Variants in ZYG11A observed in about 807,000 individuals in gnomAD.
The protein encoded by ZYG11A is zyg-11 family member A, cell cycle regulator.
ZYG11A carries 62 observed loss-of-function variants against 77.2 expected under a neutral mutation model. The observed-to-expected ratio is 0.80, with a 90% CI of 0.65 to 0.99. The LOEUF is 0.99. ZYG11A is among the 50% of genes least tolerant of loss of function. The pLI, the probability that ZYG11A is intolerant of heterozygous loss-of-function variation, is 0.00. For missense variants in ZYG11A, 828 were observed against 896.8 expected (o/e 0.92, Z 0.98); for synonymous variants, 315 against 324.6 (o/e 0.97, Z 0.32).
intron 13 of ZYG11A, among the ~76,000 whole-genome samples, chr1:52,891,370 G>C (rs1273399623): frequency 6.6e-6 from 1 of 151,730 alleles, no homozygotes; most frequent in Non-Finnish European, 1.5e-5. Flanking sequence ...TTGAGTGGGG[G>C]CAGTTTTGGA....
rs386366962 is a variant in ZYG11A at position 52,886,699 on chromosome 1, ATTTTTTTTT to A, written c.2007-237_2007-229del. On this transcript the variant is annotated intron_variant, in intron 12 of 13. Coordinates refer to ENST00000371528, the MANE Select transcript of ZYG11A (RefSeq NM_001004339.3). ...AGGCGTGTGCCACCAGGCCCAGCTAATTTTTTTTTTTTTTTTTTTTTTTTTTTTGTAGAG... is the reference window on the plus strand; with the variant it reads ...AGGCGTGTGCCACCAGGCCCAGCTAATTTTTTTTTTTTTTTTTTTGTAGAG... Among the ~76,000 whole-genome samples the A allele has an allele frequency of 4.3e-3, 297 of 69,138 alleles. 1 individual carries two copies. Among genetic ancestry groups the A allele is most frequent in the African/African-American group, 0.012 (188 of 15,544 alleles). The allele number at this position is 69,138 out of a possible 152,430, so 45.4% of individuals were successfully genotyped here.
At chr1:52,876,574 C>T (rs60115096) in intron 8 of ZYG11A, among the ~76,000 whole-genome samples, 2,829 of 152,220 alleles carry the variant, frequency 0.019, 61 homozygotes, top group African/African-American at 0.063. Flanking sequence ...TAAGCTAAAT[C>T]GTATGACCAA....
Position 52,886,888 on chromosome 1 carries a change from A to G in ZYG11A, c.2007-68A>G, listed in dbSNP as rs147452111. On this transcript the variant is annotated intron_variant, in intron 12 of 13. Coordinates refer to ENST00000371528, the MANE Select transcript of ZYG11A (RefSeq NM_001004339.3). ...TTATTATATTAATTATATAGTACAA[A>G]TTATTATATCCCTGAGCACTGGCCT... 593 of 682,014 alleles carry G rather than the reference A, an allele frequency of 8.7e-4. 3 individuals carry two copies. The African/African-American group carries it at 9.9e-3, about 11-fold the overall frequency. The allele number at this position is 682,014 out of a possible 1,614,324, so 42.2% of individuals were successfully genotyped here.
intron 1 of ZYG11A, among the ~76,000 whole-genome samples, chr1:52,847,123 T>C (rs1240525131): frequency 6.6e-6 from 1 of 151,484 alleles, no homozygotes; most frequent in Non-Finnish European, 1.5e-5. Flanking sequence ...TGCGGTGGCG[T>C]GATCTCGATC....
chr1:52,857,826 A>G, intron 3 of ZYG11A, 77 bp downstream of exon 3: 1 of 1,284,722 alleles, frequency 7.8e-7, no homozygotes, highest in Non-Finnish European at 1.0e-6. Flanking sequence ...CAGACTTTTT[A>G]CTAGGTATTA....
chr1:52,854,800 G>T (rs1332036886), intron 2 of ZYG11A, among the ~76,000 whole-genome samples, 170 bp downstream of exon 2: 1 of 152,102 alleles, frequency 6.6e-6, no homozygotes, highest in Non-Finnish European at 1.5e-5. Flanking sequence ...TTCTAGGCTA[G>T]CCCTGCTATT....
At chr1:52,867,423 T>G (rs923102363) in intron 6 of ZYG11A, 116 bp from the exon 7 acceptor site, 3 of 712,246 alleles carry the variant, frequency 4.2e-6, no homozygotes, top group Non-Finnish European at 7.0e-6. Context: ...GCTGAGGATT[T>G]AAAAGTCCAA....
Position 52,877,751 on chromosome 1 carries a change from A to G in ZYG11A, c.1612A>G (p.Lys538Glu), listed in dbSNP as rs1646286912. 1.9e-6 allele frequency: 3 copies of G among 1,552,088 alleles called. No individual in the cohort carries two copies. The East Asian group carries it at 7.3e-5, about 38-fold the overall frequency. Reference sequence around the variant, plus strand: ...TGATGTCACCTTCTTGTTTACTTTGAAAGCACTTTGGAATCTTACAGATGG... The same window carrying G: ...TGATGTCACCTTCTTGTTTACTTTGGAAGCACTTTGGAATCTTACAGATGG... Reference protein sequence around the residue: ...LDDVTFLFTLKALWNLTDGSP... With the variant: ...LDDVTFLFTLEALWNLTDGSP... The change falls in exon 9 of 14, where the codon AAA (lysine) becomes GAA (glutamate). Residue 538 changes from lysine (K) to glutamate (E), a missense_variant. Physicochemically the swap from Lys to Glu is moderately conservative, Grantham distance 56 (BLOSUM62 1). Coordinates refer to ENST00000371528, the MANE Select transcript of ZYG11A (RefSeq NM_001004339.3).
intron 1 of ZYG11A, among the ~76,000 whole-genome samples, chr1:52,843,542 C>T (rs1571820828): frequency 6.6e-6 from 1 of 152,092 alleles, no homozygotes; most frequent in South Asian, 2.1e-4. Context: ...GAGATTCTTT[C>T]AGTTCCGCGC....
In ZYG11A at chr1:52,857,023, C is replaced by T. The variant is rs2149994578; in HGVS notation, c.282C>T (p.Ser94=). The T allele has an allele frequency of 1.3e-6, 2 of 1,543,672 alleles. No homozygotes were observed. The highest frequency in any genetic ancestry group is 1.4e-5 in the African/African-American group (1 of 72,944). The change falls in exon 3 of 14, where the codon AGC becomes AGT. Residue 94 remains serine (S), a synonymous_variant. Transcript: ENST00000371528. The part of the protein sequence containing the change: ...WQGKLTDRTA[S]IFRGNQMKLK... ...GCAAGCTGACTGACAGAACAGCCAGCATTTTCCGAGGCAACCAAATGAAAC... is the reference window on the plus strand; with the variant it reads ...GCAAGCTGACTGACAGAACAGCCAGTATTTTCCGAGGCAACCAAATGAAAC...
At chr1:52,853,473 C>T (rs1345567374) in intron 1 of ZYG11A, among the ~76,000 whole-genome samples, 1 of 152,082 alleles carries the variant, frequency 6.6e-6, no homozygotes, top group African/African-American at 2.4e-5. Context: ...CTTGGAGTGT[C>T]CCAAATGTTG....
At chr1:52,885,215 T>C (rs1646428119) in intron 11 of ZYG11A, among the ~76,000 whole-genome samples, 1 of 151,756 alleles carries the variant, frequency 6.6e-6, no homozygotes, top group Non-Finnish European at 1.5e-5. Flanking sequence ...GGCCCACTCC[T>C]CCTATTTACA....
chr1:52,857,137 T>C lies in ZYG11A; in HGVS notation c.396T>C (p.Ala132=). 2 of 1,551,944 alleles carry C rather than the reference T, an allele frequency of 1.3e-6. No homozygotes were observed. Among genetic ancestry groups the C allele is most frequent in the South Asian group, 2.4e-5 (2 of 84,066 alleles). The change falls in exon 3 of 14, where the codon GCT becomes GCC. Residue 132 remains alanine (A), a synonymous_variant. Coordinates refer to ENST00000371528, the MANE Select transcript of ZYG11A (RefSeq NM_001004339.3). ...FCRHKLIELN[A]TAVHADLPVP... Reference sequence around the variant, plus strand: ...GTCATAAGCTCATTGAACTGAATGCTACTGCAGTGCACGCTGACCTCCCAG... The same window carrying C: ...GTCATAAGCTCATTGAACTGAATGCCACTGCAGTGCACGCTGACCTCCCAG...
intron 13 of ZYG11A, among the ~76,000 whole-genome samples, chr1:52,887,672 A>G (rs142971790): frequency 0.017 from 2,645 of 152,010 alleles, 75 homozygotes; most frequent in African/African-American, 0.061. Context: ...GCTTGAGGCC[A>G]GGAGTTTGAG....
At chr1:52,869,498 C>T (rs1262712263) in intron 8 of ZYG11A, among the ~76,000 whole-genome samples, 5 of 151,640 alleles carry the variant, frequency 3.3e-5, no homozygotes, top group South Asian at 2.1e-4. Context: ...CATCTTGCAC[C>T]GCCCTTAATC....
Position 52,851,165 on chromosome 1 carries a change from TC to T in ZYG11A, c.91-3296del, listed in dbSNP as rs1571834559. On this transcript the variant is annotated intron_variant, in intron 1 of 13. Coordinates refer to ENST00000371528, the MANE Select transcript of ZYG11A (RefSeq NM_001004339.3). Reference sequence around the variant, plus strand: ...GCTCAAGCAATTCTCCTGCCTCAGCTCCCCAGGTAGCTGGGACTCAGGCACA... The same window carrying T: ...GCTCAAGCAATTCTCCTGCCTCAGCTCCCAGGTAGCTGGGACTCAGGCACA... 4.0e-5 allele frequency among the ~76,000 whole-genome samples: 6 copies of T among 151,282 alleles called. No homozygotes were observed. The East Asian group carries it at 1.2e-3, about 30-fold the overall frequency.
At chr1:52,855,897 TAAA>T (rs1645801158) in intron 2 of ZYG11A, among the ~76,000 whole-genome samples, 1 of 152,228 alleles carries the variant, frequency 6.6e-6, no homozygotes, top group Non-Finnish European at 1.5e-5. Context: ...TTTTTAAACT[TAAA>T]AAATTTATTC....
At chr1:52,853,152 T>C (rs970003871) in intron 1 of ZYG11A, among the ~76,000 whole-genome samples, 1 of 152,250 alleles carries the variant, frequency 6.6e-6, no homozygotes, top group African/African-American at 2.4e-5. Flanking sequence ...CTTGTGATCG[T>C]GTGGCTGACT....
At chr1:52,864,272 G>T (rs1233648871) in intron 5 of ZYG11A, 115 bp downstream of exon 5, 2 of 1,057,730 alleles carry the variant, frequency 1.9e-6, no homozygotes, top group Non-Finnish European at 2.7e-6. Context: ...TAAAGACAGA[G>T]TCTCTCTCTG....
Sources: gnomAD v4.1 joint callset for allele counts (sites outside exome capture counted in the v4.1 genomes callset) on GRCh38, gnomAD v4.1.1 for gene constraint, MANE v1.5 for transcripts, NCBI Gene and HGNC (gene_info 2026-07-23, HGNC 2026-07-21) for gene names.